Variants in CLCA1 observed in about 807,000 individuals in gnomAD.
CLCA1 encodes the protein calcium-activated chloride channel regulator 1.
A neutral mutation model predicts 85.6 loss-of-function variants in CLCA1; 59 were observed. The observed-to-expected ratio is 0.69, with a 90% CI of 0.56 to 0.86. CLCA1 has a LOEUF of 0.86. Ranked by LOEUF, CLCA1 falls within the 40% of genes least tolerant of loss-of-function variation. The pLI is 0.00. For synonymous variants in CLCA1, 396 were observed against 398.3 expected, an observed-to-expected ratio of 0.99 and a Z score of 0.07; for missense variants, 1,022 against 1,101.4, an observed-to-expected ratio of 0.93 and a Z score of 1.02.
intron 9 of CLCA1, among the ~76,000 whole-genome samples, chr1:86,492,281 G>A (rs1298539592): frequency 6.6e-6 from 1 of 152,156 alleles, no homozygotes; most frequent in African/African-American, 2.4e-5. Context: ...ATACCCATCT[G>A]GGTTATTCTG....
chr1:86,476,673 G>A (rs748853961), intron 4 of CLCA1, 120 bp downstream of exon 4: 2 of 507,792 alleles, frequency 3.9e-6, no homozygotes, highest in Non-Finnish European at 7.1e-6. Context: ...TTCATTCTTA[G>A]TGCCTTCTTT....
At chr1:86,486,430 A>G (rs1647971083) in intron 6 of CLCA1, 96 bp from the exon 7 acceptor site, 2 of 1,080,046 alleles carry the variant, frequency 1.9e-6, no homozygotes, top group Middle Eastern at 2.8e-4. Context: ...CATTTGCTCT[A>G]CATTAAGGCA....
rs759834598 is a variant in CLCA1, at chr1:86,485,494, C to T, written c.887C>T (p.Thr296Ile). 4.3e-6 allele frequency: 7 copies of T among 1,614,172 alleles called. 1 individual carries two copies. In the South Asian group the frequency reaches 5.5e-5, roughly 13 times the overall value. ...ATGACAACACAGCCACCAAATCCCACCTTCTCATTGCTGCAGATTGGACAA... is the reference window on the plus strand; with the variant it reads ...ATGACAACACAGCCACCAAATCCCATCTTCTCATTGCTGCAGATTGGACAA... ...TPMTTQPPNP[T>I]FSLLQIGQRI... Residue 296 changes from threonine to isoleucine, a missense_variant, in exon 6 of 14, where the codon ACC (threonine) becomes ATC (isoleucine). Transcript: ENST00000394711.
chr1:86,489,511 T>C (rs1648078344), intron 8 of CLCA1, among the ~76,000 whole-genome samples: 1 of 152,098 alleles, frequency 6.6e-6, no homozygotes. Flanking sequence ...CATAACACCA[T>C]GGCATAAGTG....
chr1:86,499,131 T>C (rs758088062), intron 13 of CLCA1, among the ~76,000 whole-genome samples: 1 of 152,224 alleles, frequency 6.6e-6, no homozygotes, highest in Non-Finnish European at 1.5e-5. Flanking sequence ...AAATGGAGCA[T>C]AGATGTCTGC....
intron 7 of CLCA1, among the ~76,000 whole-genome samples, chr1:86,487,143 C>G (rs1648003805): frequency 6.6e-6 from 1 of 152,206 alleles, no homozygotes; most frequent in Non-Finnish European, 1.5e-5. Context: ...TTTTGGTCCA[C>G]TTTGAATATC....
chr1:86,471,939 C>T (rs546986258), intron 1 of CLCA1, among the ~76,000 whole-genome samples: 16 of 152,264 alleles, frequency 1.1e-4, no homozygotes, highest in African/African-American at 3.4e-4. Context: ...CTAACACGAC[C>T]CCCACTAGGC....
chr1:86,475,136 C>A (rs549153007), intron 3 of CLCA1, among the ~76,000 whole-genome samples: 1 of 152,208 alleles, frequency 6.6e-6, no homozygotes, highest in South Asian at 2.1e-4. Flanking sequence ...ACCTGACTGC[C>A]TCATCCCACT....
At chr1:86,488,010 A>AACAGTC (rs1178600741) in intron 7 of CLCA1, among the ~76,000 whole-genome samples, 2 of 152,220 alleles carry the variant, frequency 1.3e-5, no homozygotes, top group African/African-American at 4.8e-5. Context: ...CAGCAACAGC[A>AACAGTC]ACAGTCACTG....
chr1:86,485,687 C>A, intron 6 of CLCA1, 126 bp downstream of exon 6: 1 of 797,450 alleles, frequency 1.3e-6, no homozygotes, highest in East Asian at 2.6e-5. Context: ...GTAACATTGT[C>A]TTCAGAAATG....
intron 9 of CLCA1, among the ~76,000 whole-genome samples, chr1:86,492,870 T>A (rs1165718592): frequency 2.6e-5 from 4 of 152,182 alleles, no homozygotes; most frequent in Non-Finnish European, 5.9e-5. Flanking sequence ...ATGAGCTTCA[T>A]ATACCAATAA....
In CLCA1 at chr1:86,485,575, G is replaced by A. The variant is rs755810431; in HGVS notation, c.954+14G>A. 3.1e-6 allele frequency: 5 copies of A among 1,610,882 alleles called. No individual in the cohort carries two copies. Among genetic ancestry groups the A allele is most frequent in the South Asian group, 2.2e-5 (2 of 91,024 alleles). On this transcript the variant is annotated intron_variant, in intron 6 of 13. Coordinates refer to ENST00000394711, the MANE Select transcript of CLCA1 (RefSeq NM_001285.4). ...GGAAGCATGGCGGTATGTTCAATGA[G>A]TCTTGGTCTTCTGGATGCTGGTCAC...
At chr1:86,482,488 A>G in intron 5 of CLCA1, 106 bp downstream of exon 5, 4 of 1,062,090 alleles carry the variant, frequency 3.8e-6, no homozygotes, top group Non-Finnish European at 4.1e-6. Flanking sequence ...ATCATCAGTG[A>G]GCAGTGGATT....
chr1:86,473,954 T>A, intron 3 of CLCA1, 78 bp downstream of exon 3: 1 of 1,088,562 alleles, frequency 9.2e-7, no homozygotes, highest in Non-Finnish European at 1.3e-6. Context: ...GCATTATCTT[T>A]GTGAGTAAGC....
At position 86,499,913 on chromosome 1, in the gene CLCA1, G is replaced by A. The variant is rs376225321; in HGVS notation, c.2613G>A (p.Pro871=). Residue 871 remains proline, a synonymous_variant, in exon 14 of 14, where the codon CCG becomes CCA. Transcript: ENST00000394711. Reference sequence around the variant, plus strand: ...CTTTGTTTATTCCTCCACAGACTCCGCCAGAGACACCTAGTCCTGATGAAA... The same window carrying A: ...CTTTGTTTATTCCTCCACAGACTCCACCAGAGACACCTAGTCCTGATGAAA... ...RVSLFIPPQT[P]PETPSPDETS... 126 of 1,613,832 alleles carry A rather than the reference G, an allele frequency of 7.8e-5. 3 individuals carry two copies. Among genetic ancestry groups the A allele is most frequent in the Middle Eastern group, 3.3e-4 (2 of 6,084 alleles).
At chr1:86,498,491 G>A in intron 12 of CLCA1, 81 bp from the exon 13 acceptor site, 1 of 1,393,804 alleles carries the variant, frequency 7.2e-7, no homozygotes. Context: ...ACAGGAAGAG[G>A]GTGATCTGAT....
chr1:86,499,880 A>G lies in CLCA1; in HGVS notation c.2580A>G (p.Ala860=). ...TGAAATCAGAAATATCCAACATTGC[A>G]CGAGTATCTTTGTTTATTCCTCCAC... is the stretch of plus-strand genomic sequence containing the variant. ...VDLKSEISNI[A]RVSLFIPPQT... is the part of the protein sequence containing the mutation. The change falls in exon 14 of 14, where the codon GCA becomes GCG. Residue 860 remains alanine, a synonymous_variant. Transcript: ENST00000394711. 6.2e-7 allele frequency: 1 copy of G among 1,613,976 alleles called. No homozygotes were observed. Among genetic ancestry groups the G allele is most frequent in the Non-Finnish European group, 8.5e-7 (1 of 1,179,848 alleles).
intron 8 of CLCA1, among the ~76,000 whole-genome samples, chr1:86,489,715 C>T (rs1402937086): frequency 1.3e-5 from 2 of 152,178 alleles, no homozygotes; most frequent in South Asian, 4.1e-4. Context: ...GTGTCTAACT[C>T]CCATACACAG....
At chr1:86,490,320 C>G (rs1311951243) in intron 8 of CLCA1, among the ~76,000 whole-genome samples, 1 of 152,122 alleles carries the variant, frequency 6.6e-6, no homozygotes, top group Non-Finnish European at 1.5e-5. Flanking sequence ...GCATCAACAG[C>G]CTTACTGAAA....
Sources: allele counts gnomAD v4.1 joint callset (sites outside exome capture counted in the v4.1 genomes callset), GRCh38; gene constraint gnomAD v4.1.1; transcripts MANE v1.5; gene names NCBI Gene and HGNC (gene_info 2026-07-23, HGNC 2026-07-21).